Variants in TRPC4 observed in about 807,000 individuals in gnomAD.
The protein encoded by TRPC4 is short transient receptor potential channel 4.
TRPC4 carries 49 observed loss-of-function variants against 99.4 expected under a neutral mutation model. The observed-to-expected ratio is 0.49, with a 90% CI of 0.39 to 0.63. The LOEUF (loss-of-function observed/expected upper bound fraction) is 0.63, where lower values mean the gene tolerates loss of function less well. TRPC4 is among the 20% of genes least tolerant of loss of function. The pLI is 0.00. For missense variants in TRPC4, 898 were observed against 1,152.9 expected, an observed-to-expected ratio of 0.78 and a Z score of 3.20; for synonymous variants, 454 against 425.9, an observed-to-expected ratio of 1.07 and a Z score of -0.81.
intron 2 of TRPC4, among the ~76,000 whole-genome samples, chr13:37,750,546 A>G (rs1020924123): frequency 1.3e-5 from 2 of 152,168 alleles, no homozygotes; most frequent in African/African-American, 2.4e-5. Flanking sequence ...TCCTAAAAGT[A>G]TGGCAAATTA....
chr13:37,796,369 A>G lies in TRPC4; in HGVS notation c.-27-13009T>C, dbSNP rs1265438957. 3.9e-5 allele frequency among the ~76,000 whole-genome samples: 6 copies of G among 152,164 alleles called. No homozygotes were observed. In the East Asian group the frequency reaches 9.6e-4, roughly 24 times the overall value. ...ATGAATACAGAGGTTAATTTATTTGACGAAGGTCATGTGGGCTTTGTAAAT... is the reference window on the plus strand; with the variant it reads ...ATGAATACAGAGGTTAATTTATTTGGCGAAGGTCATGTGGGCTTTGTAAAT... On this transcript the variant is annotated intron_variant, in intron 1 of 10. Coordinates refer to ENST00000379705, the MANE Select transcript of TRPC4 (RefSeq NM_016179.4).
chr13:37,664,328 C>T (rs1318400174), intron 5 of TRPC4, among the ~76,000 whole-genome samples: 1 of 152,088 alleles, frequency 6.6e-6, no homozygotes, highest in Non-Finnish European at 1.5e-5. Context: ...AATCCCAGCA[C>T]TTTGGGAGGC....
intron 4 of TRPC4, among the ~76,000 whole-genome samples, chr13:37,688,829 G>C (rs1953581333): frequency 6.6e-6 from 1 of 151,256 alleles, no homozygotes; most frequent in Non-Finnish European, 1.5e-5. Flanking sequence ...CATGATGAGG[G>C]GACACACTTA....
intron 2 of TRPC4, among the ~76,000 whole-genome samples, chr13:37,780,764 T>C (rs1249078651): frequency 3.9e-5 from 6 of 152,084 alleles, no homozygotes; most frequent in Non-Finnish European, 8.8e-5. Context: ...GTTTTCATTG[T>C]GCAAGATACC....
intron 1 of TRPC4, among the ~76,000 whole-genome samples, chr13:37,795,979 A>C (rs1415859603): frequency 3.3e-5 from 5 of 152,164 alleles, no homozygotes; most frequent in Non-Finnish European, 7.4e-5. Context: ...ATTAGCAATG[A>C]AAATGCTGAT....
intron 2 of TRPC4, among the ~76,000 whole-genome samples, chr13:37,753,575 AAG>A (rs61394712): frequency 0.013 from 1,736 of 137,312 alleles, 54 homozygotes; most frequent in East Asian, 0.11. Context: ...GAGAGAGAGA[AAG>A]AGAGAGAGAG....
chr13:37,700,751 A>C (rs1954078861), intron 3 of TRPC4, among the ~76,000 whole-genome samples: 4 of 152,126 alleles, frequency 2.6e-5, no homozygotes, highest in Admixed American at 2.6e-4. Flanking sequence ...TAATTTATAC[A>C]TATAAATAAT....
intron 1 of TRPC4, among the ~76,000 whole-genome samples, chr13:37,848,217 T>C (rs991958806): frequency 2.6e-5 from 4 of 152,120 alleles, no homozygotes; most frequent in African/African-American, 7.2e-5. Flanking sequence ...TATTAATTAG[T>C]TTAACATAGA....
chr13:37,715,470 CT>C (rs1277763055), intron 3 of TRPC4, among the ~76,000 whole-genome samples: 1 of 152,076 alleles, frequency 6.6e-6, no homozygotes, highest in Admixed American at 6.5e-5. Flanking sequence ...AAATAGTTGC[CT>C]TTTGGGGAAG....
At chr13:37,769,035 C>A (rs565644081) in intron 2 of TRPC4, among the ~76,000 whole-genome samples, 2 of 151,350 alleles carry the variant, frequency 1.3e-5, no homozygotes, top group East Asian at 3.9e-4. Flanking sequence ...ATTAAGTGAC[C>A]TATAAAAGAT....
intron 6 of TRPC4, among the ~76,000 whole-genome samples, chr13:37,660,289 G>A (rs1316133805): frequency 1.3e-5 from 2 of 152,152 alleles, no homozygotes; most frequent in Middle Eastern, 3.2e-3. Context: ...TTCCAGAAAT[G>A]GAAGTGTTAA....
At chr13:37,724,390 A>G (rs1439650574) in intron 3 of TRPC4, among the ~76,000 whole-genome samples, 1 of 152,184 alleles carries the variant, frequency 6.6e-6, no homozygotes, top group Non-Finnish European at 1.5e-5. Context: ...TTGAGCAATG[A>G]ATTAGAAATG....
At chr13:37,791,099 T>A (rs1957106316) in intron 1 of TRPC4, among the ~76,000 whole-genome samples, 1 of 151,912 alleles carries the variant, frequency 6.6e-6, no homozygotes, top group South Asian at 2.1e-4. Flanking sequence ...AAGGAAAGTA[T>A]GAAGATGAAA....
At chr13:37,639,338 T>A in intron 8 of TRPC4, 39 bp from the exon 9 acceptor site, 1 of 1,564,092 alleles carries the variant, frequency 6.4e-7, no homozygotes, top group African/African-American at 1.4e-5. Context: ...GTTATACTGT[T>A]ATATTACTAT....
intron 2 of TRPC4, among the ~76,000 whole-genome samples, chr13:37,765,471 T>G (rs2139262580): frequency 6.6e-6 from 1 of 151,550 alleles, no homozygotes; most frequent in East Asian, 2.0e-4. Flanking sequence ...CAGCTGTTAT[T>G]TGACATGTAT....
At chr13:37,790,271 G>T (rs1384029813) in intron 1 of TRPC4, among the ~76,000 whole-genome samples, 1 of 151,986 alleles carries the variant, frequency 6.6e-6, no homozygotes, top group Non-Finnish European at 1.5e-5. Context: ...GTTATAAAAA[G>T]ATGCATAAGA....
intron 1 of TRPC4, among the ~76,000 whole-genome samples, chr13:37,791,608 C>T (rs1478247439): frequency 6.6e-6 from 1 of 152,012 alleles, no homozygotes; most frequent in African/African-American, 2.4e-5. Context: ...GTCCTGCACT[C>T]ACAGAGTTTA....
intron 6 of TRPC4, among the ~76,000 whole-genome samples, chr13:37,657,227 A>G (rs905540553): frequency 6.6e-6 from 1 of 152,248 alleles, no homozygotes; most frequent in African/African-American, 2.4e-5. Context: ...GATCAACTTT[A>G]GCCAGACTGT....
intron 4 of TRPC4, 143 bp downstream of exon 4, chr13:37,691,856 T>G: frequency 1.3e-6 from 1 of 766,240 alleles, no homozygotes; most frequent in Non-Finnish European, 2.0e-6. Context: ...TGTTTGGCTT[T>G]GGGGGTGAGG....
Sources: gnomAD v4.1 joint callset for allele counts (sites outside exome capture counted in the v4.1 genomes callset) on GRCh38, gnomAD v4.1.1 for gene constraint, MANE v1.5 for transcripts, NCBI Gene and HGNC (gene_info 2026-07-23, HGNC 2026-07-21) for gene names.